Variants in ZMYM4 observed in about 807,000 individuals in gnomAD.
ZMYM4 encodes the protein zinc finger MYM-type containing 4, also known as zinc finger MYM-type protein 4.
A neutral mutation model predicts 183.2 loss-of-function variants in ZMYM4; 31 were observed. The observed-to-expected ratio is 0.17, with a 90% CI of 0.13 to 0.23. The LOEUF (loss-of-function observed/expected upper bound fraction) is 0.23, where lower values mean the gene tolerates loss of function less well. Ranked by LOEUF, ZMYM4 falls within the 10% of genes least tolerant of loss-of-function variation. ZMYM4 has a pLI of 1.00. For synonymous variants in ZMYM4, 592 were observed against 631.2 expected (o/e 0.94, Z 0.93); for missense variants, 1,273 against 1,840.3 (o/e 0.69, Z 5.64).
intron 5 of ZMYM4, chr1:35,365,887 T>A (rs1452711650): frequency 6.6e-6 from 1 of 152,202 alleles, no homozygotes; most frequent in Non-Finnish European, 1.5e-5. Flanking sequence ...AACATGATTG[T>A]GCCTTGAAGG....
intron 25 of ZMYM4, among the ~76,000 whole-genome samples, chr1:35,406,730 G>A (rs1021608847): frequency 5.3e-5 from 8 of 152,062 alleles, no homozygotes; most frequent in Admixed American, 1.3e-4. Flanking sequence ...AAACATGGTC[G>A]GTGCTCTCAT....
intron 2 of ZMYM4, among the ~76,000 whole-genome samples, chr1:35,347,518 C>CT (rs574122860): frequency 2.8e-4 from 41 of 149,016 alleles, no homozygotes; most frequent in South Asian, 6.4e-4. Flanking sequence ...ACATTGCTTT[C>CT]TTTTTTTTTT....
intron 2 of ZMYM4, among the ~76,000 whole-genome samples, chr1:35,338,703 A>G (rs1449464063): frequency 2.0e-5 from 3 of 152,130 alleles, no homozygotes; most frequent in Admixed American, 6.5e-5. Flanking sequence ...TTTAATTTGC[A>G]TTTCCTTGTT....
intron 1 of ZMYM4, among the ~76,000 whole-genome samples, chr1:35,313,390 CTTTTTTTTTTT>C (rs36112055): frequency 3.0e-4 from 40 of 131,562 alleles, no homozygotes; most frequent in African/African-American, 1.1e-3. Flanking sequence ...TTTTCTTTTT[CTTTTTTTTTTT>C]TTTTTGAGAC....
In ZMYM4 at chr1:35,387,164, C is replaced by G; in HGVS notation, c.1998C>G (p.Leu666=). 1 of 1,614,208 alleles carries G rather than the reference C, an allele frequency of 6.2e-7. No individual in the cohort carries two copies. Among genetic ancestry groups the G allele is most frequent in the Non-Finnish European group, 8.5e-7 (1 of 1,180,028 alleles). The change falls in exon 12 of 30, where the codon CTC becomes CTG. Residue 666 remains leucine (L), a synonymous_variant. Coordinates refer to ENST00000314607, the MANE Select transcript of ZMYM4 (RefSeq NM_005095.3). ...TSISSSAAAG[L]QRLAAQSQHV... ...TCAGTAGCTCTGCTGCAGCTGGTCT[C>G]CAGCGTCTCGCTGCCCAGTCCCAGC...
intron 7 of ZMYM4, among the ~76,000 whole-genome samples, chr1:35,377,189 G>C (rs2148954112): frequency 6.6e-6 from 1 of 152,232 alleles, no homozygotes; most frequent in East Asian, 1.9e-4. Context: ...TTACAGGTGT[G>C]AGCCACTGCG....
chr1:35,324,348 C>G (rs1281998992), intron 1 of ZMYM4, among the ~76,000 whole-genome samples: 3 of 152,156 alleles, frequency 2.0e-5, no homozygotes, highest in Non-Finnish European at 4.4e-5. Flanking sequence ...CCGCCCACCT[C>G]AGCCTCCCAA....
intron 7 of ZMYM4, among the ~76,000 whole-genome samples, chr1:35,374,941 A>C (rs930013751): frequency 2.0e-5 from 3 of 152,140 alleles, no homozygotes; most frequent in African/African-American, 7.2e-5. Context: ...ATGTAATTCA[A>C]TTGCTCTTTA....
chr1:35,337,441 C>T (rs1643021615), intron 2 of ZMYM4, among the ~76,000 whole-genome samples: 1 of 152,060 alleles, frequency 6.6e-6, no homozygotes, highest in African/African-American at 2.4e-5. Flanking sequence ...GCAAATTTAT[C>T]CTTTATGATT....
chr1:35,364,439 T>G (rs757170096), intron 5 of ZMYM4, among the ~76,000 whole-genome samples: 16 of 152,206 alleles, frequency 1.1e-4, no homozygotes, highest in Admixed American at 2.6e-4. Flanking sequence ...AAACTAGATA[T>G]GTGATTCTTT....
At chr1:35,373,991 T>C (rs1482611532) in intron 7 of ZMYM4, among the ~76,000 whole-genome samples, 5 of 151,764 alleles carry the variant, frequency 3.3e-5, no homozygotes, top group Non-Finnish European at 7.4e-5. Context: ...CTCTAATTTC[T>C]GTATTCCAGT....
At position 35,269,090 on chromosome 1, in the gene ZMYM4, G is replaced by A; in HGVS notation, c.39+5G>A. ...GAGTCCGGCCCCCGAAAGAGGGTAGGTGAGGTGAGGCAGAACTCGGGCGGC... is the reference window on the plus strand; with the variant it reads ...GAGTCCGGCCCCCGAAAGAGGGTAGATGAGGTGAGGCAGAACTCGGGCGGC... On this transcript the variant is annotated splice_donor_5th_base_variant and intron_variant, in intron 1 of 29. Transcript: ENST00000314607. 6.5e-7 allele frequency: 1 copy of A among 1,549,178 alleles called. No homozygotes were observed. The highest frequency in any genetic ancestry group is 8.7e-7 in the Non-Finnish European group (1 of 1,146,570).
intron 29 of ZMYM4, 128 bp downstream of exon 29, chr1:35,418,700 C>G (rs1360289780): frequency 8.5e-7 from 1 of 1,180,036 alleles, no homozygotes. Flanking sequence ...TGAATTTTTT[C>G]CCCATTGTCA....
chr1:35,405,588 T>C (rs1644987967), intron 25 of ZMYM4, 120 bp downstream of exon 25: 4 of 806,288 alleles, frequency 5.0e-6, no homozygotes. Flanking sequence ...GAAAGAGAAA[T>C]TAATCTTATC....
intron 1 of ZMYM4, among the ~76,000 whole-genome samples, chr1:35,297,653 T>C (rs1275574926): frequency 1.3e-5 from 2 of 152,204 alleles, no homozygotes; most frequent in East Asian, 3.8e-4. Flanking sequence ...ATTACTGCTT[T>C]ACTAGTTAAG....
At chr1:35,280,226 C>T (rs371012796) in intron 1 of ZMYM4, among the ~76,000 whole-genome samples, 106 of 148,386 alleles carry the variant, frequency 7.1e-4, no homozygotes, top group African/African-American at 2.2e-3. Context: ...CTCTTCCTTT[C>T]CCTTTCTCTT....
intron 9 of ZMYM4, among the ~76,000 whole-genome samples, chr1:35,384,684 G>C (rs1644535123): frequency 6.6e-6 from 1 of 151,966 alleles, no homozygotes; most frequent in Non-Finnish European, 1.5e-5. Context: ...ATATTTACAA[G>C]CACCTTTGGA....
At chr1:35,316,642 A>T (rs578034566) in intron 1 of ZMYM4, among the ~76,000 whole-genome samples, 1 of 152,304 alleles carries the variant, frequency 6.6e-6, no homozygotes, top group South Asian at 2.1e-4. Flanking sequence ...TTATAAACTT[A>T]TGTGACATTT....
chr1:35,319,948 T>C (rs752040671), intron 1 of ZMYM4, among the ~76,000 whole-genome samples: 3 of 152,224 alleles, frequency 2.0e-5, no homozygotes, highest in Non-Finnish European at 4.4e-5. Flanking sequence ...AAATGATTCT[T>C]TTATTTAGCA....
Sources: gnomAD v4.1 joint callset for allele counts (sites outside exome capture counted in the v4.1 genomes callset) on GRCh38, gnomAD v4.1.1 for gene constraint, MANE v1.5 for transcripts, NCBI Gene and HGNC (gene_info 2026-07-23, HGNC 2026-07-21) for gene names.